The following GLP1R variants were observed in gnomAD, a reference collection of about 807,000 sequenced individuals.
GLP1R encodes the protein glucagon like peptide 1 receptor, also known as glucagon-like peptide 1 receptor.
A neutral mutation model predicts 68.4 loss-of-function variants in GLP1R; 32 were observed. The observed-to-expected ratio is 0.47, with a 90% confidence interval of 0.35 to 0.63. The LOEUF (loss-of-function observed/expected upper bound fraction) is 0.63, where lower values mean the gene tolerates loss of function less well. Ranked by LOEUF, GLP1R falls within the 20% of genes least tolerant of loss-of-function variation. The pLI is 0.00. For synonymous variants in GLP1R, 263 were observed against 244.4 expected (o/e 1.08, Z -0.71); for missense variants, 502 against 594.9 (o/e 0.84, Z 1.62).
intron 3 of GLP1R, among the ~76,000 whole-genome samples, chr6:39,058,680 T>C (rs1218719783): frequency 2.0e-5 from 3 of 149,776 alleles, no homozygotes; most frequent in Non-Finnish European, 4.5e-5. Context: ...ACCATCACCA[T>C]CATCATCGTC....
At chr6:39,053,981 C>T (rs1768149911) in intron 1 of GLP1R, among the ~76,000 whole-genome samples, 1 of 152,148 alleles carries the variant, frequency 6.6e-6, no homozygotes, top group Non-Finnish European at 1.5e-5. Context: ...TACCTTTTCC[C>T]TGCTGTGCCC....
intron 1 of GLP1R, among the ~76,000 whole-genome samples, chr6:39,055,781 G>A (rs1020138431): frequency 6.6e-5 from 10 of 152,148 alleles, no homozygotes; most frequent in African/African-American, 2.2e-4. Context: ...GAGGAGGAAT[G>A]CTAATGGCAG....
chr6:39,063,660 G>A (rs887667695), intron 3 of GLP1R, among the ~76,000 whole-genome samples: 7 of 152,134 alleles, frequency 4.6e-5, no homozygotes, highest in Admixed American at 3.3e-4. Flanking sequence ...AGCTGGGAAG[G>A]AGGAGAAGAA....
At chr6:39,082,989 C>A (rs1475444231) in intron 12 of GLP1R, among the ~76,000 whole-genome samples, 1 of 152,136 alleles carries the variant, frequency 6.6e-6, no homozygotes, top group Admixed American at 6.5e-5. Flanking sequence ...TCTCCAGATT[C>A]CATCCTTCCA....
intron 8 of GLP1R, among the ~76,000 whole-genome samples, chr6:39,078,603 G>T (rs1042422405): frequency 6.6e-6 from 1 of 152,168 alleles, no homozygotes. Context: ...GGTCTGTGGG[G>T]TACATGGTGC....
intron 5 of GLP1R, among the ~76,000 whole-genome samples, chr6:39,069,175 A>G (rs572979259): frequency 2.0e-5 from 3 of 152,242 alleles, no homozygotes; most frequent in Non-Finnish European, 4.4e-5. Context: ...GGACATAGAC[A>G]CAATTCAGCC....
intron 6 of GLP1R, 130 bp from the exon 7 acceptor site, chr6:39,073,480 G>A (rs1768727908): frequency 1.3e-6 from 1 of 766,468 alleles, no homozygotes; most frequent in Admixed American, 2.2e-5. Context: ...ACTAGCCCTA[G>A]CCAGAGATGT....
intron 2 of GLP1R, 111 bp downstream of exon 2, chr6:39,056,604 C>T (rs1281646785): frequency 1.2e-5 from 7 of 606,968 alleles, no homozygotes; most frequent in Admixed American, 2.6e-5. Context: ...TATAGGATGC[C>T]ACCCCTGCCC....
chr6:39,072,541 T>C (rs1768698978), intron 5 of GLP1R, among the ~76,000 whole-genome samples: 1 of 152,208 alleles, frequency 6.6e-6, no homozygotes, highest in African/African-American at 2.4e-5. Context: ...GTGTTCCCAC[T>C]GGGGAAACTG....
chr6:39,051,805 C>T (rs1435559045), intron 1 of GLP1R, among the ~76,000 whole-genome samples: 3 of 151,358 alleles, frequency 2.0e-5, no homozygotes, highest in Non-Finnish European at 4.4e-5. Flanking sequence ...TGTGCAACAT[C>T]TCAGCATGCA....
rs577254361 is a variant in GLP1R at position 39,051,290 on chromosome 6, A to T, written c.78+2372A>T. ...TCACATAGGGTTATGGAGGGGATTGAGACACTGGCCCCTGAAATGGCAACT... is the reference window on the plus strand; with the variant it reads ...TCACATAGGGTTATGGAGGGGATTGTGACACTGGCCCCTGAAATGGCAACT... On this transcript the variant is annotated intron_variant, in intron 1 of 12. Coordinates refer to ENST00000373256, the MANE Select transcript of GLP1R (RefSeq NM_002062.5). Among the ~76,000 whole-genome samples, 7 of 152,296 alleles carry T rather than the reference A, an allele frequency of 4.6e-5. No individual in the cohort carries two copies. The South Asian group carries it at 1.5e-3, about 32-fold the overall frequency.
chr6:39,062,903 G>A (rs541124313), intron 3 of GLP1R, among the ~76,000 whole-genome samples: 1 of 152,186 alleles, frequency 6.6e-6, no homozygotes. Context: ...GTGTACAGTA[G>A]GTGTTCAAAA....
At chr6:39,064,695 C>T (rs1365315543) in intron 3 of GLP1R, among the ~76,000 whole-genome samples, 9 of 152,214 alleles carry the variant, frequency 5.9e-5, no homozygotes, top group African/African-American at 1.9e-4. Context: ...ACAGGCCAGC[C>T]ATCTCCCTGG....
chr6:39,080,596 G>A (rs887862706), intron 11 of GLP1R, 102 bp from the exon 12 acceptor site: 23 of 681,990 alleles, frequency 3.4e-5, no homozygotes, highest in Non-Finnish European at 5.1e-5. Flanking sequence ...GATTTGGGGA[G>A]GGGGTTGTTG....
At chr6:39,071,119 G>T (rs941491818) in intron 5 of GLP1R, among the ~76,000 whole-genome samples, 10 of 152,026 alleles carry the variant, frequency 6.6e-5, no homozygotes, top group African/African-American at 2.2e-4. Flanking sequence ...GGCTGAGGTG[G>T]GTGGATCACA....
intron 5 of GLP1R, among the ~76,000 whole-genome samples, chr6:39,069,113 C>T (rs1266910789): frequency 6.6e-6 from 1 of 152,150 alleles, no homozygotes; most frequent in African/African-American, 2.4e-5. Flanking sequence ...AGATTTCTTC[C>T]ACCAAATATT....
Position 39,079,083 on chromosome 6 carries a change from C to G in GLP1R, c.955-29C>G. On this transcript the variant is annotated intron_variant, in intron 9 of 12. Coordinates refer to ENST00000373256, the MANE Select transcript of GLP1R (RefSeq NM_002062.5). The surrounding 1 kb of genome is among the most constrained non-coding windows in gnomAD (Gnocchi z 4.5). ...GCTATGATAGGGCTGGGCTGGTGCC[C>G]CCTGCCAATCCCCGGCCCCACCCCG... 1 of 1,605,522 alleles carries G rather than the reference C, an allele frequency of 6.2e-7. No individual in the cohort carries two copies. Among genetic ancestry groups the G allele is most frequent in the Non-Finnish European group, 8.5e-7 (1 of 1,172,192 alleles).
intron 5 of GLP1R, among the ~76,000 whole-genome samples, chr6:39,071,345 C>CAAAAAAAAAAAAAAAAA (rs35740935): frequency 7.0e-5 from 6 of 85,906 alleles, no homozygotes; most frequent in Non-Finnish European, 1.1e-4. Context: ...GATTCCATCT[C>CAAAAAAAAAAAAAAAAA]AAAAAAAAAA....
intron 3 of GLP1R, among the ~76,000 whole-genome samples, chr6:39,060,041 A>C (rs1583621224): frequency 6.6e-6 from 1 of 151,958 alleles, no homozygotes; most frequent in East Asian, 1.9e-4. Context: ...TGACACTTGG[A>C]ATCACCGACT....
Sources: allele counts gnomAD v4.1 joint callset (sites outside exome capture counted in the v4.1 genomes callset), GRCh38; gene constraint gnomAD v4.1.1; non-coding constraint Gnocchi (gnomAD v3.1); transcripts MANE v1.5; gene names NCBI Gene and HGNC (gene_info 2026-07-23, HGNC 2026-07-21).